The following TAFA4 variants were observed in gnomAD, a reference collection of about 807,000 sequenced individuals.
TAFA4 encodes the protein TAFA chemokine like family member 4.
A neutral mutation model predicts 21.1 loss-of-function variants in TAFA4; 20 were observed. The ratio of observed to expected loss-of-function variants is 0.95; its 90% CI spans 0.67 to 1.38. The LOEUF (loss-of-function observed/expected upper bound fraction) is 1.38, where lower values mean the gene tolerates loss of function less well. Among genes scored for constraint, TAFA4 ranks in the 40% most tolerant of loss-of-function variants. TAFA4 has a pLI of 0.00. For missense variants in TAFA4, 211 were observed against 180.9 expected, an observed-to-expected ratio of 1.17 and a Z score of -0.95; for synonymous variants, 71 against 67.4, an observed-to-expected ratio of 1.05 and a Z score of -0.26.
intron 3 of TAFA4, among the ~76,000 whole-genome samples, chr3:68,763,877 C>CACACACACACAT (rs1352669697): frequency 1.2e-3 from 181 of 151,984 alleles, no homozygotes; most frequent in African/African-American, 4.2e-3. Context: ...ACTACACACA[C>CACACACACACAT]ACACACACAC....
chr3:68,807,508 A>G (rs1396256038), intron 3 of TAFA4, among the ~76,000 whole-genome samples: 1 of 152,152 alleles, frequency 6.6e-6, no homozygotes, highest in Non-Finnish European at 1.5e-5. Context: ...GATATCTTAC[A>G]ATGCTCCTGG....
chr3:68,832,655 G>C (rs1022790081), intron 3 of TAFA4, among the ~76,000 whole-genome samples: 4 of 152,250 alleles, frequency 2.6e-5, no homozygotes, highest in Admixed American at 2.6e-4. Context: ...ACCCACTTGA[G>C]GAGGCAGTCT....
chr3:68,795,529 A>C (rs1287299603), intron 3 of TAFA4, among the ~76,000 whole-genome samples: 1 of 152,224 alleles, frequency 6.6e-6, no homozygotes, highest in Non-Finnish European at 1.5e-5. Context: ...GGGCTAACTC[A>C]GGGTGTTCTG....
chr3:68,909,906 C>T (rs2089943166), intron 1 of TAFA4, among the ~76,000 whole-genome samples: 1 of 152,176 alleles, frequency 6.6e-6, no homozygotes, highest in East Asian at 1.9e-4. Context: ...CCTGCTTTCT[C>T]ACCTGGAGGC....
At chr3:68,808,759 C>T (rs1177714591) in intron 3 of TAFA4, among the ~76,000 whole-genome samples, 1 of 152,174 alleles carries the variant, frequency 6.6e-6, no homozygotes, top group Admixed American at 6.6e-5. Flanking sequence ...TTAAGTTACA[C>T]TGCAATAACA....
chr3:68,855,644 T>C (rs918824527), intron 3 of TAFA4, among the ~76,000 whole-genome samples: 4 of 151,998 alleles, frequency 2.6e-5, no homozygotes, highest in Non-Finnish European at 4.4e-5. Flanking sequence ...AGAGTAGACG[T>C]CATGTATCTT....
At chr3:68,901,750 C>T (rs2089845431) in intron 1 of TAFA4, among the ~76,000 whole-genome samples, 1 of 152,100 alleles carries the variant, frequency 6.6e-6, no homozygotes, top group Admixed American at 6.5e-5. Context: ...AAATCTGAAA[C>T]AAACTGCAAA....
intron 3 of TAFA4, among the ~76,000 whole-genome samples, chr3:68,767,596 A>G (rs1046815332): frequency 8.6e-5 from 13 of 152,028 alleles, no homozygotes; most frequent in Admixed American, 3.3e-4. Flanking sequence ...AATATATAAA[A>G]AGAGAGCAGT....
intron 1 of TAFA4, among the ~76,000 whole-genome samples, chr3:68,923,108 C>G (rs989283984): frequency 2.6e-5 from 4 of 152,158 alleles, no homozygotes; most frequent in African/African-American, 9.7e-5. Flanking sequence ...AGGCTTATTT[C>G]TGGGTCTTTA....
intron 3 of TAFA4, among the ~76,000 whole-genome samples, chr3:68,757,729 C>A (rs1280209471): frequency 1.3e-5 from 2 of 152,098 alleles, no homozygotes; most frequent in African/African-American, 4.8e-5. Context: ...TATACAGCAC[C>A]AACTCTTGTA....
At chr3:68,761,058 C>G (rs1032896905) in intron 3 of TAFA4, among the ~76,000 whole-genome samples, 1 of 152,150 alleles carries the variant, frequency 6.6e-6, no homozygotes, top group Non-Finnish European at 1.5e-5. Context: ...TAACAAAAGA[C>G]AGGGTATTGA....
chr3:68,739,354 C>G (rs971804649), intron 4 of TAFA4, among the ~76,000 whole-genome samples, 155 bp from the exon 5 acceptor site: 3 of 152,138 alleles, frequency 2.0e-5, no homozygotes, highest in African/African-American at 7.2e-5. Flanking sequence ...ATATACTCTA[C>G]AAAATATTTC....
chr3:68,741,977 C>A (rs1251563183), intron 4 of TAFA4, among the ~76,000 whole-genome samples: 2 of 152,004 alleles, frequency 1.3e-5, no homozygotes, highest in Non-Finnish European at 2.9e-5. Flanking sequence ...AAATCCTCAA[C>A]AAAACACTAG....
At chr3:68,855,304 G>C (rs1226318761) in intron 3 of TAFA4, among the ~76,000 whole-genome samples, 1 of 152,126 alleles carries the variant, frequency 6.6e-6, no homozygotes, top group African/African-American at 2.4e-5. Context: ...ATTTATTCTT[G>C]TACTTTATAC....
chr3:68,852,726 T>C (rs183962174), intron 3 of TAFA4, among the ~76,000 whole-genome samples: 1 of 152,304 alleles, frequency 6.6e-6, no homozygotes, highest in African/African-American at 2.4e-5. Flanking sequence ...CTTAAATCCT[T>C]AGTCATTGAA....
chr3:68,883,743 G>T (rs532851654), intron 2 of TAFA4, among the ~76,000 whole-genome samples: 1 of 152,142 alleles, frequency 6.6e-6, no homozygotes, highest in African/African-American at 2.4e-5. Context: ...AACCAGCAAC[G>T]TATGGGACTT....
intron 3 of TAFA4, among the ~76,000 whole-genome samples, chr3:68,792,975 T>C (rs1489097426): frequency 6.6e-6 from 1 of 152,212 alleles, no homozygotes; most frequent in Non-Finnish European, 1.5e-5. Flanking sequence ...ATGATCCTTA[T>C]ACAGCTGTGC....
In TAFA4 at chr3:68,789,771, C is replaced by T. The variant is rs112956293; in HGVS notation, c.131-36753G>A. On this transcript the variant is annotated intron_variant, in intron 3 of 5. Coordinates refer to ENST00000295569, the MANE Select transcript of TAFA4 (RefSeq NM_182522.5). ...ACGCAGTAGCCACTGTAAAAATATC[C>T]ATCGGATGAATTAACTTTGTTTCTC... 4.9e-3 allele frequency among the ~76,000 whole-genome samples: 744 copies of T among 152,288 alleles called. 3 individuals are homozygous for T. Among genetic ancestry groups the T allele is most frequent in the African/African-American group, 0.017 (708 of 41,554 alleles).
chr3:68,928,046 A>G (rs931984057), intron 1 of TAFA4, among the ~76,000 whole-genome samples: 1 of 152,218 alleles, frequency 6.6e-6, no homozygotes, highest in Non-Finnish European at 1.5e-5. Flanking sequence ...TTGTCATTTT[A>G]TTAACAAGAA....
Sources: gnomAD v4.1 joint callset for allele counts (sites outside exome capture counted in the v4.1 genomes callset) on GRCh38, gnomAD v4.1.1 for gene constraint, MANE v1.5 for transcripts, NCBI Gene and HGNC (gene_info 2026-07-23, HGNC 2026-07-21) for gene names.